The following ABCA13 variants were observed in gnomAD, a reference collection of about 807,000 sequenced individuals.
ABCA13 encodes ATP-binding cassette sub-family A member 13.
ABCA13 carries 476 observed loss-of-function variants against 478.7 expected under a neutral mutation model. The ratio of observed to expected loss-of-function variants is 0.99; its 90% confidence interval spans 0.92 to 1.07. The LOEUF (loss-of-function observed/expected upper bound fraction) is 1.07, where lower values mean the gene tolerates loss of function less well. ABCA13 is among the 50% of genes least tolerant of loss of function. The pLI is 0.00. For missense variants in ABCA13, 6,060 were observed against 5,910.6 expected, an observed-to-expected ratio of 1.03 and a Z score of -0.83; for synonymous variants, 2,252 against 2,158.9, an observed-to-expected ratio of 1.04 and a Z score of -1.20.
chr7:48,411,027 CTTT>C (rs1819013177), intron 40 of ABCA13, among the ~76,000 whole-genome samples: 1 of 115,626 alleles, frequency 8.6e-6, no homozygotes, highest in Non-Finnish European at 1.9e-5. Context: ...TTCTTTCTTT[CTTT>C]CTTTCTTTCT....
At chr7:48,178,233 T>C (rs1286986203) in intron 1 of ABCA13, among the ~76,000 whole-genome samples, 1 of 152,114 alleles carries the variant, frequency 6.6e-6, no homozygotes, top group African/African-American at 2.4e-5. Context: ...AAATATATAT[T>C]AAAAAAACAA....
rs141472030 is a variant in ABCA13, at chr7:48,335,408, G to A, written c.10000-14G>A. ...CTGAATAAGAGACATATCCAAATAT[G>A]CTTCATTTTGCAGGCTAATTACACC... On this transcript the variant is annotated splice_polypyrimidine_tract_variant and intron_variant, in intron 27 of 61. Transcript: ENST00000435803. The A allele has an allele frequency of 2.4e-5, 38 of 1,552,594 alleles. 1 individual carries two copies. The highest frequency in any genetic ancestry group is 3.3e-5 in the Non-Finnish European group (37 of 1,130,000).
intron 21 of ABCA13, 116 bp downstream of exon 21, chr7:48,295,979 G>A (rs1300922482): frequency 3.3e-6 from 4 of 1,218,740 alleles, no homozygotes; most frequent in African/African-American, 3.0e-5. Context: ...CTCTTAATGT[G>A]CATATTAATA....
intron 29 of ABCA13, among the ~76,000 whole-genome samples, chr7:48,340,793 T>A (rs1807037940): frequency 6.6e-6 from 1 of 152,146 alleles, no homozygotes; most frequent in Non-Finnish European, 1.5e-5. Flanking sequence ...AAATTAAGAT[T>A]ATTATAAAAG....
Position 48,520,120 on chromosome 7 carries a change from A to G in ABCA13, c.13877A>G (p.Glu4626Gly). 1 of 1,613,676 alleles carries G rather than the reference A, an allele frequency of 6.2e-7. No homozygotes were observed. The highest frequency in any genetic ancestry group is 8.5e-7 in the Non-Finnish European group (1 of 1,179,760). The change falls in exon 53 of 62, where the codon GAA (glutamate) becomes GGA (glycine). Residue 4626 changes from glutamate to glycine, a missense_variant. Transcript: ENST00000435803. ...TTCTGTCTTGGTCAAGGACTGGTAG[A>G]ACTCTGCTATAATCAGATCAAATAT... ...PQFCLGQGLV[E>G]LCYNQIKYDL...
rs767239653 is a variant in ABCA13 at position 48,279,053 on chromosome 7, G to A, written c.7859G>A (p.Ser2620Asn). The A allele has an allele frequency of 3.1e-6, 5 of 1,612,950 alleles. No homozygotes were observed. Among genetic ancestry groups the A allele is most frequent in the Non-Finnish European group, 4.2e-6 (5 of 1,179,748 alleles). ...TCTGATATTTTCAGTATGTCACCTA[G>A]CATACTCTCATATATGAACCAATCT... ...SNSDIFSMSP[S>N]ILSYMNQSKD... Residue 2620 changes from serine (S) to asparagine (N), a missense_variant, in exon 18 of 62, where the codon AGC becomes AAC. Transcript: ENST00000435803.
chr7:48,477,881 A>G (rs991424358), intron 45 of ABCA13, among the ~76,000 whole-genome samples: 1 of 152,084 alleles, frequency 6.6e-6, no homozygotes, highest in Non-Finnish European at 1.5e-5. Flanking sequence ...CCTAAAACTT[A>G]AAGTATAATA....
intron 47 of ABCA13, among the ~76,000 whole-genome samples, chr7:48,485,958 T>G (rs1333727310): frequency 6.6e-6 from 1 of 152,206 alleles, no homozygotes; most frequent in Non-Finnish European, 1.5e-5. Context: ...ATATGCCTTT[T>G]GAGTAGCTCT....
intron 57 of ABCA13, among the ~76,000 whole-genome samples, chr7:48,589,902 C>A (rs1563476059): frequency 2.0e-5 from 3 of 152,158 alleles, no homozygotes; most frequent in Admixed American, 6.5e-5. Flanking sequence ...ATCTTATAAA[C>A]TCATTCACCT....
chr7:48,302,716 G>T (rs1434982124), intron 23 of ABCA13, among the ~76,000 whole-genome samples: 1 of 152,162 alleles, frequency 6.6e-6, no homozygotes, highest in African/African-American at 2.4e-5. Flanking sequence ...TGGTGTATAT[G>T]TACCATATTT....
intron 15 of ABCA13, among the ~76,000 whole-genome samples, chr7:48,259,785 C>T (rs1168472328): frequency 1.3e-5 from 2 of 151,550 alleles, no homozygotes; most frequent in African/African-American, 4.8e-5. Context: ...TTAAGTATTT[C>T]TTTTGAGGCA....
intron 59 of ABCA13, 57 bp downstream of exon 59, chr7:48,615,434 C>A: frequency 1.4e-6 from 2 of 1,463,354 alleles, no homozygotes; most frequent in South Asian, 1.2e-5. Flanking sequence ...TAGCATGATG[C>A]AGGGTTATGA....
intron 59 of ABCA13, among the ~76,000 whole-genome samples, chr7:48,631,655 T>A (rs1227442532): frequency 6.6e-6 from 1 of 152,066 alleles, no homozygotes; most frequent in African/African-American, 2.4e-5. Context: ...TTCTTTTTGT[T>A]TTTTTGGTTC....
Position 48,317,207 on chromosome 7 carries a change from G to A in ABCA13, c.9910G>A (p.Ala3304Thr). 6.2e-7 allele frequency: 1 copy of A among 1,613,372 alleles called. No individual in the cohort carries two copies. Among genetic ancestry groups the A allele is most frequent in the Non-Finnish European group, 8.5e-7 (1 of 1,179,732 alleles). ...GGAAATTCTACAATTGCCAAATGGTGCTTTGGTGTGGACCTTCCTAAAACC... is the reference window on the plus strand; with the variant it reads ...GGAAATTCTACAATTGCCAAATGGTACTTTGGTGTGGACCTTCCTAAAACC... ...YQEILQLPNG[A>T]LVWTFLKPIL... The change falls in exon 27 of 62, where the codon GCT becomes ACT. Residue 3304 changes from alanine (A) to threonine (T), a missense_variant. By Grantham distance (58) the Ala-to-Thr change is moderately conservative. Transcript: ENST00000435803.
intron 56 of ABCA13, among the ~76,000 whole-genome samples, chr7:48,586,036 A>G (rs1789149208): frequency 6.6e-6 from 1 of 152,206 alleles, no homozygotes; most frequent in Non-Finnish European, 1.5e-5. Context: ...TGACACATAT[A>G]TCACACAGAA....
At chr7:48,551,935 T>C (rs1785365680) in intron 55 of ABCA13, among the ~76,000 whole-genome samples, 3 of 151,812 alleles carry the variant, frequency 2.0e-5, no homozygotes, top group Admixed American at 2.0e-4. Flanking sequence ...CAAGGCAGCC[T>C]CACTTTGATT....
intron 34 of ABCA13, 41 bp from the exon 35 acceptor site, chr7:48,376,400 A>G (rs1813487781): frequency 6.3e-7 from 1 of 1,595,066 alleles, no homozygotes; most frequent in Admixed American, 1.8e-5. Context: ...ACCATAAAAG[A>G]GCTTGTGCAG....
chr7:48,625,464 T>C (rs926926432), intron 59 of ABCA13, among the ~76,000 whole-genome samples: 13 of 152,380 alleles, frequency 8.5e-5, no homozygotes, highest in African/African-American at 3.1e-4. Context: ...AAGCATCATA[T>C]AATTCACCTG....
chr7:48,273,733 G>A lies in ABCA13; in HGVS notation c.4067G>A (p.Cys1356Tyr), dbSNP rs202039023. 4.9e-4 allele frequency: 784 copies of A among 1,609,564 alleles called. 2 individuals are homozygous for A. The highest frequency in any genetic ancestry group is 6.2e-4 in the Non-Finnish European group (736 of 1,177,714). The change falls in exon 17 of 62, where the codon TGT (cysteine) becomes TAT (tyrosine). Residue 1356 changes from cysteine (C) to tyrosine (Y), a missense_variant. Transcript: ENST00000435803. ...GATATTTTCCAAAATGTTACTGAGT[G>A]TATTTTAGAAGATGGCTTTTTATAT... Reference protein sequence around the residue: ...CADIFQNVTECILEDGFLYVN... With the variant: ...CADIFQNVTEYILEDGFLYVN...
Sources: allele counts gnomAD v4.1 joint callset (sites outside exome capture counted in the v4.1 genomes callset), GRCh38; gene constraint gnomAD v4.1.1; transcripts MANE v1.5; gene names NCBI Gene and HGNC (gene_info 2026-07-23, HGNC 2026-07-21).